GDAP1: variants seen among roughly 807,000 people sequenced by gnomAD.
GDAP1 encodes the protein ganglioside induced differentiation associated protein 1.
Under a neutral mutation model 40.1 loss-of-function variants are expected in GDAP1, and 34 were observed. The ratio of observed to expected loss-of-function variants is 0.85; its 90% CI spans 0.64 to 1.13. The LOEUF (loss-of-function observed/expected upper bound fraction) is 1.13. Ranked by LOEUF, GDAP1 falls within the 50% of genes most tolerant of loss-of-function variation. The pLI is 0.00. For missense variants in GDAP1, 374 were observed against 433.7 expected, an observed-to-expected ratio of 0.86 and a Z score of 1.22; for synonymous variants, 170 against 157.4, an observed-to-expected ratio of 1.08 and a Z score of -0.60.
intron 2 of GDAP1, among the ~76,000 whole-genome samples, chr8:74,400,517 CTG>C (rs1328142462): frequency 1.3e-5 from 2 of 149,974 alleles, no homozygotes; most frequent in African/African-American, 5.1e-5. Flanking sequence ...GTTTGCCAGT[CTG>C]TGTCTTTTAA....
At position 74,366,672 on chromosome 8, in the gene GDAP1, C is replaced by A; in HGVS notation, c.*2305C>A. The A allele has an allele frequency of 2.2e-6, 1 of 453,282 alleles. No homozygotes were observed. Among genetic ancestry groups the A allele is most frequent in the Non-Finnish European group, 4.4e-6 (1 of 226,322 alleles). The allele number at this position is 453,282 out of a possible 1,614,324, so 28.1% of individuals were successfully genotyped here. A position where few individuals can be genotyped will look rare whatever the true frequency, so the allele number is the denominator to read the frequency against. ...TTTTGTGTCTTAACACACATAAATA[C>A]TATTGTTATTGCAGCAGATGCCTTT... On this transcript the variant is annotated 3_prime_UTR_variant, in exon 6 of 6. Transcript: ENST00000220822.
chr8:74,429,475 T>C (rs1433399464), intron 2 of GDAP1, among the ~76,000 whole-genome samples: 1 of 152,208 alleles, frequency 6.6e-6, no homozygotes, highest in Non-Finnish European at 1.5e-5. Context: ...ACAGCAGATA[T>C]TTGTTTGCTC....
chr8:74,474,153 A>G (rs1293940741), intron 2 of GDAP1, among the ~76,000 whole-genome samples: 2 of 152,126 alleles, frequency 1.3e-5, no homozygotes, highest in Non-Finnish European at 1.5e-5. Context: ...GTAATCTGAG[A>G]CTTTGCTGAA....
downstream of GDAP1, among the ~76,000 whole-genome samples, chr8:74,369,565 A>C (rs762685377): frequency 7.9e-5 from 12 of 152,126 alleles, no homozygotes; most frequent in Non-Finnish European, 1.3e-4. Context: ...CAACTGGTCT[A>C]ATATGTGTGT....
intron 2 of GDAP1, among the ~76,000 whole-genome samples, chr8:74,391,074 G>A (rs1292305264): frequency 6.6e-6 from 1 of 152,144 alleles, no homozygotes; most frequent in Non-Finnish European, 1.5e-5. Flanking sequence ...TGCTGTGCTG[G>A]CAGGAAAAAT....
chr8:74,481,627 C>T (rs1407090526), intron 2 of GDAP1, among the ~76,000 whole-genome samples: 2 of 152,198 alleles, frequency 1.3e-5, no homozygotes, highest in Non-Finnish European at 2.9e-5. Context: ...AAGTTGTTCA[C>T]CCCTGTGGCT....
intron 2 of GDAP1, among the ~76,000 whole-genome samples, chr8:74,406,816 G>A (rs991551127): frequency 4.0e-5 from 6 of 149,734 alleles, no homozygotes; most frequent in African/African-American, 1.5e-4. Context: ...TGGTACTAGG[G>A]AAGTCCCAGA....
intron 2 of GDAP1, among the ~76,000 whole-genome samples, chr8:74,378,538 G>A (rs1290474898): frequency 6.6e-6 from 1 of 152,166 alleles, no homozygotes; most frequent in Non-Finnish European, 1.5e-5. Flanking sequence ...GATTGGTTTA[G>A]TGGGCTACTC....
chr8:74,364,128 T>A lies in GDAP1; in HGVS notation c.838T>A (p.Tyr280Asn). Residue 280 changes from tyrosine (Y) to asparagine (N), a missense_variant, in exon 6 of 6, where the codon TAC becomes AAC. Tyr to Asn is a moderately radical substitution (Grantham distance 143). Coordinates refer to ENST00000220822, the MANE Select transcript of GDAP1 (RefSeq NM_018972.4). ...AAAGCGACCAAACTTGGAAACCTAT[T>A]ACGAGCGTGTCTTGAAGAGAAAAAC... ...NGKRPNLETYYERVLKRKTFN... is the reference protein window; with the variant it reads ...NGKRPNLETYNERVLKRKTFN... The A allele has an allele frequency of 6.2e-7, 1 of 1,614,234 alleles. No individual in the cohort carries two copies. The highest frequency in any genetic ancestry group is 8.5e-7 in the Non-Finnish European group (1 of 1,180,050).
chr8:74,431,717 G>T (rs1172909384), intron 2 of GDAP1, among the ~76,000 whole-genome samples: 2 of 151,986 alleles, frequency 1.3e-5, no homozygotes, highest in African/African-American at 4.8e-5. Flanking sequence ...TCCTGACCTC[G>T]TGATCTGCCT....
chr8:74,425,119 A>G (rs1283020949), intron 2 of GDAP1, among the ~76,000 whole-genome samples: 2 of 152,182 alleles, frequency 1.3e-5, no homozygotes, highest in African/African-American at 2.4e-5. Flanking sequence ...GGTCCTTAAG[A>G]GGAATTCTAT....
chr8:74,450,126 A>G (rs917047508), intron 2 of GDAP1, among the ~76,000 whole-genome samples: 1 of 151,134 alleles, frequency 6.6e-6, no homozygotes, highest in South Asian at 2.1e-4. Flanking sequence ...GTCTTGTTCA[A>G]TTTCCACATA....
At chr8:74,462,372 T>C (rs1466810995) in intron 2 of GDAP1, among the ~76,000 whole-genome samples, 1 of 152,228 alleles carries the variant, frequency 6.6e-6, no homozygotes, top group Non-Finnish European at 1.5e-5. Flanking sequence ...CTTGGGCCTG[T>C]GAGCATTTCC....
At chr8:74,362,296 A>G (rs928148303) in intron 4 of GDAP1, among the ~76,000 whole-genome samples, 6 of 152,176 alleles carry the variant, frequency 3.9e-5, no homozygotes, top group African/African-American at 1.4e-4. Context: ...CGCTAGACCT[A>G]CATCCCTCCA....
intron 2 of GDAP1, among the ~76,000 whole-genome samples, chr8:74,378,915 T>G (rs372824502): frequency 1.3e-5 from 2 of 152,128 alleles, no homozygotes; most frequent in African/African-American, 4.8e-5. Context: ...AGGGAAGAGT[T>G]GCTTATAGGT....
intron 2 of GDAP1, among the ~76,000 whole-genome samples, chr8:74,398,012 T>G (rs932619096): frequency 2.0e-5 from 3 of 151,780 alleles, no homozygotes; most frequent in African/African-American, 7.3e-5. Flanking sequence ...TCCATTTGTT[T>G]GTATCCTCTT....
chr8:74,363,903 T>G, intron 5 of GDAP1, 82 bp from the exon 6 acceptor site: 1 of 1,184,004 alleles, frequency 8.4e-7, no homozygotes, highest in Non-Finnish European at 1.3e-6. Context: ...CACTCACCCT[T>G]AAGGGTGAGA....
At chr8:74,370,809 A>G (rs867147091), downstream of GDAP1, among the ~76,000 whole-genome samples, 16 of 152,260 alleles carry the variant, frequency 1.1e-4, no homozygotes, top group African/African-American at 3.6e-4. Flanking sequence ...CCAGGTATAC[A>G]TCAAGAAAGG....
At chr8:74,448,359 T>G (rs1420882650) in intron 2 of GDAP1, among the ~76,000 whole-genome samples, 1 of 152,184 alleles carries the variant, frequency 6.6e-6, no homozygotes, top group Non-Finnish European at 1.5e-5. Context: ...AGTTTTGTTA[T>G]ATGAATATGC....
Sources: gnomAD v4.1 joint callset for allele counts (sites outside exome capture counted in the v4.1 genomes callset) on GRCh38, gnomAD v4.1.1 for gene constraint, MANE v1.5 for transcripts, NCBI Gene and HGNC (gene_info 2026-07-23, HGNC 2026-07-21) for gene names.